Variants in ITFG2 observed in about 807,000 individuals in gnomAD.
ITFG2 encodes integrin alpha FG-GAP repeat containing 2, also known as KICSTOR complex protein ITFG2.
ITFG2 carries 36 observed loss-of-function variants against 54.4 expected under a neutral mutation model. The observed-to-expected ratio is 0.66, with a 90% CI of 0.51 to 0.87. ITFG2 has a LOEUF of 0.87. Among genes scored for constraint, ITFG2 ranks in the 40% least tolerant of loss-of-function variants. ITFG2 has a pLI of 0.00. For synonymous variants in ITFG2, 211 were observed against 225.4 expected, an observed-to-expected ratio of 0.94 and a Z score of 0.57; for missense variants, 524 against 576.7, an observed-to-expected ratio of 0.91 and a Z score of 0.94.
At chr12:2,830,266 G>A (rs946124389) in intron 2 of ITFG2, 1 of 153,270 alleles carries the variant, frequency 6.5e-6, no homozygotes, top group Non-Finnish European at 1.5e-5. Context: ...CCACATAGAA[G>A]AAGCACAGAG....
At chr12:2,826,847 T>C (rs981517943), downstream of ITFG2, 44 of 377,878 alleles carry the variant, frequency 1.2e-4, no homozygotes, top group African/African-American at 9.6e-4. Flanking sequence ...GGGGTGGTAT[T>C]GGGTGATGGA....
At chr12:2,815,347 CA>C (rs1214328838) in intron 1 of ITFG2, among the ~76,000 whole-genome samples, 1 of 152,172 alleles carries the variant, frequency 6.6e-6, no homozygotes, top group African/African-American at 2.4e-5. Flanking sequence ...ACTTGGTTAA[CA>C]TCGTGAGCCC....
intron 2 of ITFG2, chr12:2,857,125 G>A: frequency 2.9e-6 from 2 of 701,484 alleles, no homozygotes; most frequent in Non-Finnish European, 5.2e-6. Context: ...CTGCTTGAGT[G>A]GTGATGCAGA....
chr12:2,830,486 AG>A (rs1262556293), intron 2 of ITFG2: 12 of 488,404 alleles, frequency 2.5e-5, no homozygotes, highest in African/African-American at 5.9e-5. Flanking sequence ...TGACCAAGGA[AG>A]GGGGGCAGAG....
At chr12:2,853,420 C>G (rs966047954) in intron 2 of ITFG2, among the ~76,000 whole-genome samples, 45 of 152,012 alleles carry the variant, frequency 3.0e-4, no homozygotes, top group African/African-American at 1.0e-3. Context: ...TTACAGGCGC[C>G]TGCCACCACG....
At chr12:2,856,219 A>G (rs2153929873) in intron 2 of ITFG2, among the ~76,000 whole-genome samples, 1 of 152,292 alleles carries the variant, frequency 6.6e-6, no homozygotes, top group African/African-American at 2.4e-5. Flanking sequence ...CTGGTGCCTG[A>G]GTGACAGCTG....
intron 4 of ITFG2, among the ~76,000 whole-genome samples, chr12:2,818,833 C>A (rs2097931110): frequency 6.6e-6 from 1 of 152,086 alleles, no homozygotes; most frequent in Non-Finnish European, 1.5e-5. Context: ...GCCTGGCCCA[C>A]ACGGTGAAAC....
intron 2 of ITFG2, among the ~76,000 whole-genome samples, chr12:2,842,490 C>CAG (rs1416419232): frequency 8.6e-4 from 130 of 150,380 alleles, no homozygotes; most frequent in Middle Eastern, 3.5e-3. Flanking sequence ...GCCTGTAATC[C>CAG]CACATTTTTG....
intron 4 of ITFG2, among the ~76,000 whole-genome samples, chr12:2,819,300 TAAAAATACAAAAA>T (rs1392126441): frequency 6.6e-6 from 1 of 151,216 alleles, no homozygotes; most frequent in African/African-American, 2.4e-5. Flanking sequence ...CCGTCTCTAC[TAAAAATACAAAAA>T]AAAAATTAAC....
chr12:2,823,005 T>C lies in ITFG2; in HGVS notation c.1066+94T>C, dbSNP rs1373372898. 4.5e-6 allele frequency: 4 copies of C among 893,818 alleles called. No individual in the cohort carries two copies. The East Asian group carries it at 7.2e-5, about 16-fold the overall frequency. 55.4% of individuals were successfully genotyped at this position (893,818 alleles called of 1,614,324 possible). ...GAAGTGTTTGCCCCTCACTTCCCTTTCTGACGTATCCCCTGATGTAAGTCT... is the reference window on the plus strand; with the variant it reads ...GAAGTGTTTGCCCCTCACTTCCCTTCCTGACGTATCCCCTGATGTAAGTCT... On this transcript the variant is annotated intron_variant, in intron 10 of 11. Coordinates refer to ENST00000228799, the MANE Select transcript of ITFG2 (RefSeq NM_018463.4).
At chr12:2,813,845 T>C (rs1472523620) in intron 1 of ITFG2, among the ~76,000 whole-genome samples, 1 of 152,230 alleles carries the variant, frequency 6.6e-6, no homozygotes. Flanking sequence ...GAAAGAGTTA[T>C]TCTCATAAAT....
At chr12:2,854,442 A>C (rs2098080942) in intron 2 of ITFG2, among the ~76,000 whole-genome samples, 1 of 152,230 alleles carries the variant, frequency 6.6e-6, no homozygotes, top group African/African-American at 2.4e-5. Flanking sequence ...AGGCTGGAGA[A>C]GCTGGGCACC....
upstream of ITFG2, among the ~76,000 whole-genome samples, chr12:2,832,170 T>C (rs1052783306): frequency 5.3e-5 from 8 of 152,174 alleles, no homozygotes; most frequent in Non-Finnish European, 1.0e-4. Flanking sequence ...AGGTGATTCA[T>C]GTGCAGGTTA....
intron 2 of ITFG2, chr12:2,849,051 G>C (rs2098061566): frequency 1.6e-6 from 1 of 635,350 alleles, no homozygotes; most frequent in African/African-American, 1.8e-5. Flanking sequence ...TAGAATTTCA[G>C]TTGAATCTCC....
At chr12:2,821,450 C>A in intron 7 of ITFG2, 91 bp downstream of exon 7, 2 of 1,553,682 alleles carry the variant, frequency 1.3e-6, no homozygotes, top group Non-Finnish European at 1.8e-6. Flanking sequence ...TCATTTCGAG[C>A]CCTGTCCTTC....
Position 2,840,327 on chromosome 12 carries a change from C to T in ITFG2, n.147-515C>T, listed in dbSNP as rs1014738412. Among the ~76,000 whole-genome samples the T allele has an allele frequency of 2.0e-5, 3 of 151,768 alleles. No individual in the cohort carries two copies. The East Asian group carries it at 5.8e-4, about 29-fold the overall frequency. On this transcript the variant is annotated intron_variant and non_coding_transcript_variant, in intron 1 of 3. Transcript: ENST00000537710. ...AATTAGCTGGGTGTGGTGGCTCATG[C>T]CTGTAGTCCCAGCTACTCGGGAGAT...
At chr12:2,844,591 G>C (rs913099643) in intron 2 of ITFG2, among the ~76,000 whole-genome samples, 2 of 152,080 alleles carry the variant, frequency 1.3e-5, no homozygotes, top group Non-Finnish European at 2.9e-5. Flanking sequence ...ATAGTAAACT[G>C]TATGCCTCAG....
downstream of ITFG2, chr12:2,827,040 G>A: frequency 6.8e-7 from 1 of 1,460,740 alleles, no homozygotes; most frequent in Non-Finnish European, 9.0e-7. This position sits in a 1 kb window ranked among gnomAD's most constrained non-coding sequence, Gnocchi z 4.0. Flanking sequence ...CTGAGAAGCA[G>A]AGAGGAATGC....
intron 10 of ITFG2, 106 bp from the exon 11 acceptor site, chr12:2,823,664 G>C (rs1333613736): frequency 1.4e-5 from 19 of 1,356,652 alleles, no homozygotes; most frequent in Admixed American, 2.4e-5. Context: ...CCTGACATCA[G>C]TGGGAGGATG....
Sources: gnomAD v4.1 joint callset for allele counts (sites outside exome capture counted in the v4.1 genomes callset) on GRCh38, gnomAD v4.1.1 for gene constraint, Gnocchi (gnomAD v3.1) non-coding constraint, MANE v1.5 for transcripts, NCBI Gene and HGNC (gene_info 2026-07-23, HGNC 2026-07-21) for gene names.